The following KNTC1 variants were observed in gnomAD, a reference collection of about 807,000 sequenced individuals.
KNTC1 encodes the protein kinetochore-associated protein 1.
Under a neutral mutation model 314.4 loss-of-function variants are expected in KNTC1, and 253 were observed. The ratio of observed to expected loss-of-function variants is 0.80; its 90% CI spans 0.73 to 0.89. The LOEUF (loss-of-function observed/expected upper bound fraction) is 0.89, where lower values mean the gene tolerates loss of function less well. Among genes scored for constraint, KNTC1 ranks in the 40% least tolerant of loss-of-function variants. The pLI, the probability that KNTC1 is intolerant of heterozygous loss-of-function variation, is 0.00. For synonymous variants in KNTC1, 901 were observed against 901.4 expected (o/e 1.00, Z 0.01); for missense variants, 2,475 against 2,572.9 (o/e 0.96, Z 0.82).
chr12:122,547,276 G>C (rs1962849382), intron 10 of KNTC1, 139 bp from the exon 11 acceptor site: 2 of 546,532 alleles, frequency 3.7e-6, no homozygotes. Context: ...TCAGGAATCT[G>C]AGGCAGGAGA....
Position 122,590,654 on chromosome 12 carries a change from C to T in KNTC1, c.4047C>T (p.Cys1349=), listed in dbSNP as rs780300416. Residue 1349 remains cysteine, a synonymous_variant, in exon 41 of 64, where the codon TGC becomes TGT. Coordinates refer to ENST00000333479, the MANE Select transcript of KNTC1 (RefSeq NM_014708.6). ...LVDLDLALGY[C]TLLPQKDVFE... is the part of the protein sequence containing the mutation. ...ATCTTGACCTGGCGTTGGGTTACTGCACTCTCTTACCTCAAAAAGATGTGT... is the reference window on the plus strand; with the variant it reads ...ATCTTGACCTGGCGTTGGGTTACTGTACTCTCTTACCTCAAAAAGATGTGT... The T allele has an allele frequency of 2.5e-6, 4 of 1,613,452 alleles. No homozygotes were observed. Among genetic ancestry groups the T allele is most frequent in the East Asian group, 2.2e-5 (1 of 44,836 alleles).
chr12:122,561,895 CTG>C (rs1455146728), intron 18 of KNTC1, 24 bp from the exon 19 acceptor site: 4 of 1,523,100 alleles, frequency 2.6e-6, no homozygotes, highest in Non-Finnish European at 2.7e-6. Context: ...ATTCTTCTAA[CTG>C]TATTTCTTAT....
At chr12:122,561,461 AT>A (rs995982048) in intron 18 of KNTC1, among the ~76,000 whole-genome samples, 8 of 149,544 alleles carry the variant, frequency 5.3e-5, no homozygotes, top group Non-Finnish European at 1.0e-4. Context: ...TTTATTTGTA[AT>A]TTTTTTTTTG....
intron 24 of KNTC1, 121 bp downstream of exon 24, chr12:122,571,247 C>CT (rs1190473840): frequency 1.1e-4 from 74 of 644,922 alleles, no homozygotes; most frequent in South Asian, 3.6e-4. Context: ...TTTTTTGTGC[C>CT]TTTTTTTTGT....
chr12:122,551,552 T>A, intron 15 of KNTC1, 29 bp downstream of exon 15: 2 of 1,605,042 alleles, frequency 1.2e-6, no homozygotes, highest in Non-Finnish European at 1.7e-6. Flanking sequence ...TTAAGCTTTA[T>A]CCTTTAGTGA....
intron 1 of KNTC1, 139 bp from the exon 2 acceptor site, chr12:122,529,852 T>C (rs1208449979): frequency 7.3e-6 from 3 of 411,494 alleles, no homozygotes; most frequent in Non-Finnish European, 1.3e-5. Context: ...GTTCCATTTA[T>C]GTTATTGGCC....
rs77851601 is a variant in KNTC1, at chr12:122,616,749, C to T, written c.6030+1223C>T. Among the ~76,000 whole-genome samples, 1,300 of 152,286 alleles carry T rather than the reference C, an allele frequency of 8.5e-3. 20 individuals carry two copies. The highest frequency in any genetic ancestry group is 0.03 in the African/African-American group (1,234 of 41,554). On this transcript the variant is annotated intron_variant, in intron 57 of 63. Transcript: ENST00000333479. ...AATTGTTTTATTGAGATACAATTCA[C>T]ATGTAAAATTTATCCTTTTAAAATA...
At position 122,569,673 on chromosome 12, in the gene KNTC1, T is replaced by C; in HGVS notation, c.1717-8T>C. 1 of 1,605,404 alleles carries C rather than the reference T, an allele frequency of 6.2e-7. No individual in the cohort carries two copies. Among genetic ancestry groups the C allele is most frequent in the Non-Finnish European group, 8.5e-7 (1 of 1,176,072 alleles). On this transcript the variant is annotated splice_region_variant and splice_polypyrimidine_tract_variant and intron_variant, in intron 21 of 63. Transcript: ENST00000333479. ...TCAGATCTTAATTTCTCGCTCCTTATAATTTAGGCAAACTTTGAAAGCAGA... is the reference window on the plus strand; with the variant it reads ...TCAGATCTTAATTTCTCGCTCCTTACAATTTAGGCAAACTTTGAAAGCAGA...
intron 30 of KNTC1, 120 bp from the exon 31 acceptor site, chr12:122,577,552 A>G (rs891357452): frequency 3.9e-6 from 4 of 1,012,804 alleles, no homozygotes; most frequent in Non-Finnish European, 4.2e-6. Flanking sequence ...AAAACATTGA[A>G]CCATAATCTG....
intron 26 of KNTC1, among the ~76,000 whole-genome samples, chr12:122,573,672 T>C (rs1016658107): frequency 1.3e-5 from 2 of 152,164 alleles, no homozygotes; most frequent in African/African-American, 4.8e-5. Context: ...ATTGGTTCGA[T>C]CTGGAAAGGT....
Position 122,605,400 on chromosome 12 carries a change from A to C in KNTC1, c.5481A>C (p.Ser1827=). 2 of 1,586,554 alleles carry C rather than the reference A, an allele frequency of 1.3e-6. No individual in the cohort carries two copies. The highest frequency in any genetic ancestry group is 8.6e-7 in the Non-Finnish European group (1 of 1,161,320). The change falls in exon 51 of 64, where the codon TCA becomes TCC. Residue 1827 remains serine, a synonymous_variant. Coordinates refer to ENST00000333479, the MANE Select transcript of KNTC1 (RefSeq NM_014708.6). ...TGTTGGAAAAATGGCTATGCCCTTCAACAAAACCTGGTGAAGTAAGTACTT... is the reference window on the plus strand; with the variant it reads ...TGTTGGAAAAATGGCTATGCCCTTCCACAAAACCTGGTGAAGTAAGTACTT... ...DMLLEKWLCP[S]TKPGEKPSEL...
In KNTC1 at chr12:122,569,731, C is replaced by T. The variant is rs1964570120; in HGVS notation, c.1767C>T (p.Asn589=). 1.9e-6 allele frequency: 3 copies of T among 1,613,656 alleles called. No homozygotes were observed. In the East Asian group the frequency reaches 6.7e-5, roughly 36 times the overall value. ...TGAAAATGCTGGAGAGCTTGCTCAA[C>T]TCAATGTCTGCATCAGTCTCTTTGC... ...FDVKMLESLL[N]SMSASVSLQK... is the part of the protein sequence containing the mutation. The change falls in exon 22 of 64, where the codon AAC becomes AAT. Residue 589 remains asparagine (N), a synonymous_variant. Transcript: ENST00000333479.
chr12:122,585,617 T>G lies in KNTC1; in HGVS notation c.3535-19T>G. 1.2e-6 allele frequency: 2 copies of G among 1,613,106 alleles called. No individual in the cohort carries two copies. On this transcript the variant is annotated intron_variant, in intron 36 of 63. Transcript: ENST00000333479. ...GCAGCGTACTGAGTTCTCTCTTTTT[T>G]GTATGATTTGGCACCTAGGCTTCTT...
Position 122,600,688 on chromosome 12 carries a change from C to T in KNTC1, c.4564-848C>T, listed in dbSNP as rs1398747851. Among the ~76,000 whole-genome samples the T allele has an allele frequency of 1.3e-5, 2 of 150,434 alleles. 1 individual carries two copies. The highest frequency in any genetic ancestry group is 4.2e-4 in the South Asian group (2 of 4,784). On this transcript the variant is annotated intron_variant, in intron 44 of 63. Transcript: ENST00000333479. ...GCTTCCTTCTTTTTTTTTTTTGAGA[C>T]ATAGTCTGGTTCTTTTGTTCAGCCT...
At chr12:122,580,533 TC>T in intron 32 of KNTC1, 69 bp from the exon 33 acceptor site, 1 of 947,978 alleles carries the variant, frequency 1.1e-6, no homozygotes, top group Non-Finnish European at 1.6e-6. Flanking sequence ...AATTAAAATT[TC>T]TTCTTTTTAA....
intron 62 of KNTC1, 29 bp downstream of exon 62, chr12:122,622,636 C>G: frequency 4.2e-6 from 6 of 1,420,194 alleles, no homozygotes; most frequent in Non-Finnish European, 5.7e-6. Flanking sequence ...AAAAAACTTA[C>G]TGTGGAATTT....
chr12:122,581,317 G>C (rs967861546), intron 33 of KNTC1, among the ~76,000 whole-genome samples: 11 of 150,598 alleles, frequency 7.3e-5, no homozygotes, highest in African/African-American at 2.4e-4. Flanking sequence ...TCTTGCCTCA[G>C]CCTTCCCAAG....
Position 122,551,527 on chromosome 12 carries a change from A to G in KNTC1, c.1196+4A>G. ...CGGAAGCTTTACCAGAAAACAGGTA[A>G]CTTCTCATTTTTTTTTAAGCTTTAT... On this transcript the variant is annotated splice_donor_region_variant and intron_variant, in intron 15 of 63. Transcript: ENST00000333479. 6.2e-7 allele frequency: 1 copy of G among 1,607,690 alleles called. No homozygotes were observed. The highest frequency in any genetic ancestry group is 8.5e-7 in the Non-Finnish European group (1 of 1,175,978).
At chr12:122,560,894 A>G (rs1003254417) in intron 18 of KNTC1, among the ~76,000 whole-genome samples, 3 of 152,194 alleles carry the variant, frequency 2.0e-5, no homozygotes, top group Admixed American at 1.3e-4. Flanking sequence ...TCAGACTCTC[A>G]AAGTGTTGGG....
Sources: gnomAD v4.1 joint callset for allele counts (sites outside exome capture counted in the v4.1 genomes callset) on GRCh38, gnomAD v4.1.1 for gene constraint, MANE v1.5 for transcripts, NCBI Gene and HGNC (gene_info 2026-07-23, HGNC 2026-07-21) for gene names.